PPP2R2B: variants seen among roughly 807,000 people sequenced by gnomAD.
PPP2R2B encodes the protein protein phosphatase 2 regulatory subunit Bbeta, also known as serine/threonine-protein phosphatase 2A 55 kDa regulatory subunit B beta isoform.
A neutral mutation model predicts 46.0 loss-of-function variants in PPP2R2B; 5 were observed. The ratio of observed to expected loss-of-function variants is 0.11; its 90% CI spans 0.06 to 0.23. The LOEUF (loss-of-function observed/expected upper bound fraction) is 0.23, where lower values mean the gene tolerates loss of function less well. PPP2R2B is among the 10% of genes least tolerant of loss of function. The probability of loss-of-function intolerance (pLI) is 1.00; values close to 1 mark genes in which losing one functional copy is unlikely to be tolerated. For missense variants in PPP2R2B, 367 were observed against 575.0 expected, an observed-to-expected ratio of 0.64 and a Z score of 3.70; for synonymous variants, 215 against 206.7, an observed-to-expected ratio of 1.04 and a Z score of -0.34.
At chr5:147,069,166 A>G (rs1159025171) in intron 2 of PPP2R2B, among the ~76,000 whole-genome samples, 1 of 152,190 alleles carries the variant, frequency 6.6e-6, no homozygotes, top group Non-Finnish European at 1.5e-5. Flanking sequence ...TAACATTTAC[A>G]AATTCCAGTG....
intron 2 of PPP2R2B, among the ~76,000 whole-genome samples, chr5:146,764,840 A>ACACACG (rs931965479): frequency 2.2e-4 from 34 of 152,016 alleles, no homozygotes; most frequent in African/African-American, 6.5e-4. Flanking sequence ...ACACGCACAC[A>ACACACG]CACACGCACA....
intron 2 of PPP2R2B, among the ~76,000 whole-genome samples, chr5:146,834,775 C>CA (rs1440371599): frequency 6.6e-6 from 1 of 152,062 alleles, no homozygotes. Context: ...GCCCTCTTTC[C>CA]ATCCTTCCCC....
At chr5:147,007,064 T>A (rs1417730989) in intron 1 of PPP2R2B, among the ~76,000 whole-genome samples, 2 of 152,154 alleles carry the variant, frequency 1.3e-5, no homozygotes, top group African/African-American at 4.8e-5. Context: ...ATTGAGGCCA[T>A]CAAGCTACAG....
chr5:146,926,205 C>T (rs1763777567), intron 1 of PPP2R2B, among the ~76,000 whole-genome samples: 1 of 150,766 alleles, frequency 6.6e-6, no homozygotes, highest in Admixed American at 6.6e-5. Flanking sequence ...AAAAATGGGA[C>T]ATTTAAGATA....
In PPP2R2B at chr5:146,911,952, A is replaced by T. The variant is rs570589412; in HGVS notation, c.79+143713T>A. ...GTGTAGAGTGTATATTCAGTTCCCT[A>T]AGAGGCCAGGTGCAGTGGCCCACGC... is the stretch of plus-strand genomic sequence containing the variant. On this transcript the variant is annotated intron_variant, in intron 1 of 8. Coordinates refer to the PPP2R2B transcript ENST00000336640. 3.7e-4 allele frequency among the ~76,000 whole-genome samples: 57 copies of T among 152,304 alleles called. No individual in the cohort carries two copies. The East Asian group carries it at 5.2e-3, about 14-fold the overall frequency.
At chr5:146,968,579 A>G (rs1414924396) in intron 1 of PPP2R2B, among the ~76,000 whole-genome samples, 1 of 152,228 alleles carries the variant, frequency 6.6e-6, no homozygotes, top group African/African-American at 2.4e-5. Context: ...TTCTTTGCTG[A>G]ATTGAAGTGT....
chr5:146,685,611 G>C (rs531415894), intron 5 of PPP2R2B, among the ~76,000 whole-genome samples: 7 of 152,200 alleles, frequency 4.6e-5, no homozygotes, highest in Non-Finnish European at 1.0e-4. Flanking sequence ...AGGAGTCAGA[G>C]CTGGTAAAAC....
chr5:146,591,212 A>ACTC (rs755567909), intron 9 of PPP2R2B, among the ~76,000 whole-genome samples: 105 of 152,052 alleles, frequency 6.9e-4, no homozygotes, highest in Non-Finnish European at 1.3e-3. Flanking sequence ...GAGAGCAGGA[A>ACTC]CTCTCGTGTA....
chr5:146,843,079 C>T (rs1021705779), intron 2 of PPP2R2B, among the ~76,000 whole-genome samples: 2 of 152,164 alleles, frequency 1.3e-5, no homozygotes, highest in Non-Finnish European at 2.9e-5. Context: ...CCCAGCTCCT[C>T]GGAAGGCCGA....
intron 1 of PPP2R2B, among the ~76,000 whole-genome samples, chr5:146,890,167 A>C (rs1054718200): frequency 2.0e-5 from 3 of 152,232 alleles, no homozygotes; most frequent in South Asian, 2.1e-4. Context: ...CAAGGGGAGA[A>C]ATTACTACTG....
intron 2 of PPP2R2B, among the ~76,000 whole-genome samples, chr5:146,728,406 A>G (rs1478264951): frequency 6.6e-6 from 1 of 152,042 alleles, no homozygotes; most frequent in South Asian, 2.1e-4. Flanking sequence ...AGGTGTGTTT[A>G]TTTTTTCTCT....
intron 2 of PPP2R2B, among the ~76,000 whole-genome samples, chr5:146,800,636 T>TG (rs761395932): frequency 3.0e-4 from 18 of 59,728 alleles, no homozygotes; most frequent in East Asian, 5.9e-4. Context: ...TTTTGGGGGG[T>TG]GGGGGGGTGG....
chr5:146,818,782 C>T (rs2151330259), intron 2 of PPP2R2B, among the ~76,000 whole-genome samples: 1 of 152,274 alleles, frequency 6.6e-6, no homozygotes, highest in South Asian at 2.1e-4. Context: ...CTGGCCTGGA[C>T]ATGAGGAGAT....
intron 4 of PPP2R2B, among the ~76,000 whole-genome samples, chr5:146,697,300 T>C (rs554973820): frequency 6.6e-6 from 1 of 152,328 alleles, no homozygotes; most frequent in African/African-American, 2.4e-5. Flanking sequence ...TTAGCAAGGA[T>C]TTAAGAACCT....
intron 1 of PPP2R2B, among the ~76,000 whole-genome samples, chr5:146,959,571 G>A (rs1752077152): frequency 6.6e-6 from 1 of 152,142 alleles, no homozygotes; most frequent in Admixed American, 6.5e-5. Context: ...GTGGTGCTGG[G>A]GAACTGCAGG....
chr5:146,809,021 G>C (rs146735689), intron 2 of PPP2R2B, among the ~76,000 whole-genome samples: 2 of 151,530 alleles, frequency 1.3e-5, no homozygotes, highest in East Asian at 2.0e-4. Flanking sequence ...CTCCAGTGAT[G>C]AATGTCCTTG....
chr5:146,871,055 G>A (rs1227433012), intron 2 of PPP2R2B, among the ~76,000 whole-genome samples: 2 of 152,214 alleles, frequency 1.3e-5, no homozygotes, highest in African/African-American at 4.8e-5. Flanking sequence ...TGTGCTTTCT[G>A]CGAGATAGTT....
intron 1 of PPP2R2B, among the ~76,000 whole-genome samples, chr5:146,968,196 G>A (rs747452768): frequency 6.6e-6 from 1 of 152,282 alleles, no homozygotes; most frequent in East Asian, 1.9e-4. Context: ...CATTCCATGG[G>A]TATCAGTTCA....
At chr5:146,712,907 G>A (rs1169495172) in intron 2 of PPP2R2B, among the ~76,000 whole-genome samples, 1 of 152,110 alleles carries the variant, frequency 6.6e-6, no homozygotes, top group Admixed American at 6.5e-5. Context: ...AATGTACATT[G>A]AACACACCAA....
Sources: gnomAD v4.1 joint callset for allele counts (sites outside exome capture counted in the v4.1 genomes callset) on GRCh38, gnomAD v4.1.1 for gene constraint, MANE v1.5 for transcripts, NCBI Gene and HGNC (gene_info 2026-07-23, HGNC 2026-07-21) for gene names.